The following MAPK8IP2 variants were observed in gnomAD, a reference collection of about 807,000 sequenced individuals.
MAPK8IP2 encodes the protein C-Jun-amino-terminal kinase-interacting protein 2.
MAPK8IP2 carries 15 observed loss-of-function variants against 75.6 expected under a neutral mutation model. That is an observed-to-expected ratio of 0.20 (90% CI 0.13 to 0.31). MAPK8IP2 has a LOEUF of 0.31. Ranked by LOEUF, MAPK8IP2 falls within the 10% of genes least tolerant of loss-of-function variation. The probability of loss-of-function intolerance (pLI) is 1.00; values close to 1 mark genes in which losing one functional copy is unlikely to be tolerated. For missense variants in MAPK8IP2, 1,089 were observed against 1,211.2 expected (o/e 0.90, Z 1.50); for synonymous variants, 632 against 554.5 (o/e 1.14, Z -1.96).
At chr22:50,600,932 C>A (rs1448066008) in intron 1 of MAPK8IP2, 49 bp downstream of exon 1, 4 of 764,648 alleles carry the variant, frequency 5.2e-6, no homozygotes, top group South Asian at 3.2e-5. Context: ...TCCCTGCGCA[C>A]CCCCCCGACC....
chr22:50,602,142 G>A (rs913303953), intron 2 of MAPK8IP2, among the ~76,000 whole-genome samples: 4 of 152,188 alleles, frequency 2.6e-5, no homozygotes, highest in Non-Finnish European at 4.4e-5. Flanking sequence ...CCAGCCCGGG[G>A]CAGGGAGGTG....
rs761498373 is a variant in MAPK8IP2 at position 50,610,668 on chromosome 22, C to G, written c.2403-39C>G. On this transcript the variant is annotated intron_variant, in intron 11 of 11. Coordinates refer to ENST00000329492, the MANE Select transcript of MAPK8IP2 (RefSeq NM_012324.6). The surrounding 1 kb of genome is among the most constrained non-coding windows in gnomAD (Gnocchi z 4.3). ...TGGAAGGCAGTTTGGGGGTTGAGGA[C>G]CGGCCCTGAGTGGCTGGTGGAGGAC... 2.1e-5 allele frequency: 32 copies of G among 1,559,944 alleles called. No individual in the cohort carries two copies. Among genetic ancestry groups the G allele is most frequent in the Non-Finnish European group, 2.6e-5 (30 of 1,142,512 alleles).
chr22:50,607,124 C>T lies in MAPK8IP2; in HGVS notation c.2303+133C>T, dbSNP rs1236937875. The T allele has an allele frequency of 2.8e-6, 2 of 710,904 alleles. No homozygotes were observed. Among genetic ancestry groups the T allele is most frequent in the Admixed American group, 2.1e-5 (1 of 47,776 alleles). The allele number at this position is 710,904 out of a possible 1,614,324, so 44.0% of individuals were successfully genotyped here. A position where few individuals can be genotyped will look rare whatever the true frequency, so the allele number is the denominator to read the frequency against. ...GAGAGCTCCACCTGCACCCACTTAG[C>T]TCTGTGAGCTGAGCCTGCAGTGGCG... On this transcript the variant is annotated intron_variant, in intron 10 of 11. Transcript: ENST00000329492. The surrounding 1 kb of genome is among the most constrained non-coding windows in gnomAD (Gnocchi z 5.6).
intron 5 of MAPK8IP2, 40 bp downstream of exon 5, chr22:50,605,104 A>G: frequency 1.2e-6 from 2 of 1,604,766 alleles, no homozygotes; most frequent in Non-Finnish European, 1.7e-6. Flanking sequence ...GCCCAGAGGA[A>G]GGTGCAGACT....
chr22:50,610,610 G>T lies in MAPK8IP2; in HGVS notation c.2403-97G>T. 1 of 989,370 alleles carries T rather than the reference G, an allele frequency of 1.0e-6. No individual in the cohort carries two copies. Among genetic ancestry groups the T allele is most frequent in the South Asian group, 1.4e-5 (1 of 70,780 alleles). The allele number at this position is 989,370 out of a possible 1,614,324, so 61.3% of individuals were successfully genotyped here. A position where few individuals can be genotyped will look rare whatever the true frequency, so the allele number is the denominator to read the frequency against. ...GGGTGGGGGGTTATGGATGGCTGCAGAGGGAGGAAGGAGGGAGAGCTCAGA... is the reference window on the plus strand; with the variant it reads ...GGGTGGGGGGTTATGGATGGCTGCATAGGGAGGAAGGAGGGAGAGCTCAGA... On this transcript the variant is annotated intron_variant, in intron 11 of 11. Transcript: ENST00000329492. The surrounding 1 kb of genome is among the most constrained non-coding windows in gnomAD (Gnocchi z 4.3).
Position 50,605,702 on chromosome 22 carries a change from A to T in MAPK8IP2, c.1982A>T (p.His661Leu), listed in dbSNP as rs879417377. 24 of 1,611,130 alleles carry T rather than the reference A, an allele frequency of 1.5e-5. No individual in the cohort carries two copies. The highest frequency in any genetic ancestry group is 2.0e-5 in the Non-Finnish European group (24 of 1,178,946). Residue 661 changes from histidine to leucine, a missense_variant, in exon 7 of 12, where the codon CAT becomes CTT. Transcript: ENST00000329492. ...ERGVFPAFYA[H>L]AVPGPAKDLL... Reference sequence around the variant, plus strand: ...GGTGTGTTTCCTGCCTTCTACGCCCATGCGGTGCCCGGCCCTGCCAAGGAC... The same window carrying T: ...GGTGTGTTTCCTGCCTTCTACGCCCTTGCGGTGCCCGGCCCTGCCAAGGAC...
rs966069123 is a variant in MAPK8IP2, at chr22:50,604,316, G to T, written c.1017G>T (p.Pro339=). 6.5e-7 allele frequency: 1 copy of T among 1,543,086 alleles called. No individual in the cohort carries two copies. Among genetic ancestry groups the T allele is most frequent in the Non-Finnish European group, 8.7e-7 (1 of 1,151,232 alleles). ...SEYESGSESE[P]DLSEDADSPW... is the part of the protein sequence containing the mutation. ...ACGAGTCGGGGTCGGAGTCGGAGCC[G>T]GACCTCAGCGAGGACGCGGACTCGC... Residue 339 remains proline (P), a synonymous_variant, in exon 5 of 12, where the codon CCG becomes CCT. Transcript: ENST00000329492.
Position 50,603,736 on chromosome 22 carries a change from CCGCGGGG to C in MAPK8IP2, c.541+25_541+31del. On this transcript the variant is annotated intron_variant, in intron 4 of 11. Transcript: ENST00000329492. ...CCCTCAGAGGTGAGGGGTGGTGGGC[CCGCGGGG>C]CGCGGGGAAGCGGGGGAGGAGGGCA... 6.4e-7 allele frequency: 1 copy of C among 1,555,174 alleles called. No individual in the cohort carries two copies. The highest frequency in any genetic ancestry group is 1.2e-5 in the South Asian group (1 of 84,536).
Position 50,610,563 on chromosome 22 carries a change from T to C in MAPK8IP2, c.2403-144T>C. On this transcript the variant is annotated intron_variant, in intron 11 of 11. Transcript: ENST00000329492. This position sits in a 1 kb window ranked among gnomAD's most constrained non-coding sequence, Gnocchi z 4.3. ...GGCCAGGAGAGCTGAGGGTCACACT[T>C]GGGGGTGACATGGCCATGCCTGGGT... The C allele has an allele frequency of 1.4e-6, 1 of 727,918 alleles. No homozygotes were observed. The highest frequency in any genetic ancestry group is 2.3e-6 in the Non-Finnish European group (1 of 427,206). 45.1% of individuals were successfully genotyped at this position (727,918 alleles called of 1,614,324 possible).
rs901935213 is a variant in MAPK8IP2, at chr22:50,604,496, G to T, written c.1197G>T (p.Ala399=). The change falls in exon 5 of 12, where the codon GCG becomes GCT. Residue 399 remains alanine, a synonymous_variant. Coordinates refer to ENST00000329492, the MANE Select transcript of MAPK8IP2 (RefSeq NM_012324.6). Reference sequence around the variant, plus strand: ...CCCAGGACTCCCAGGACCCCGAGGCGGCCGCGGGGCCCGGCGGCGTGGAGC... The same window carrying T: ...CCCAGGACTCCCAGGACCCCGAGGCTGCCGCGGGGCCCGGCGGCGTGGAGC... The part of the protein sequence containing the change: ...GAAQDSQDPE[A]AAGPGGVELV... 2 of 1,238,666 alleles carry T rather than the reference G, an allele frequency of 1.6e-6. No homozygotes were observed. Among genetic ancestry groups the T allele is most frequent in the Non-Finnish European group, 1.0e-6 (1 of 993,868 alleles). The allele number at this position is 1,238,666 out of a possible 1,614,324, so 76.7% of individuals were successfully genotyped here.
rs1270696071 is a variant in MAPK8IP2 at position 50,612,710 on chromosome 22, T to C, written c.*1931T>C. 6.6e-6 allele frequency: 1 copy of C among 152,306 alleles called. No individual in the cohort carries two copies. The highest frequency in any genetic ancestry group is 2.4e-5 in the African/African-American group (1 of 41,470). The allele number at this position is 152,306 out of a possible 1,614,324, so 9.4% of individuals were successfully genotyped here. ...CAGATAGCCCCACTGGGTGTGTACG[T>C]TTGAAACTTGTGCCCCCTGGGCTAG... On this transcript the variant is annotated 3_prime_UTR_variant, in exon 12 of 12. Transcript: ENST00000329492.
chr22:50,601,606 G>A (rs1450772711), intron 1 of MAPK8IP2, among the ~76,000 whole-genome samples, 183 bp from the exon 2 acceptor site: 2 of 152,306 alleles, frequency 1.3e-5, no homozygotes, highest in Admixed American at 1.3e-4. Context: ...CTCAGATGGG[G>A]GAGGGGATCC....
chr22:50,609,525 A>G (rs1453294921), intron 10 of MAPK8IP2, among the ~76,000 whole-genome samples: 2 of 150,748 alleles, frequency 1.3e-5, no homozygotes, highest in Admixed American at 6.6e-5. Context: ...CAAGCAGACC[A>G]TCATGTGGCT....
chr22:50,603,668 G>A lies in MAPK8IP2; in HGVS notation c.490G>A (p.Ala164Thr), dbSNP rs367580729. Residue 164 changes from alanine (A) to threonine (T), a missense_variant, in exon 4 of 12, where the codon GCC becomes ACC. Ala to Thr is a moderately conservative substitution (Grantham distance 58). Around this residue, in one of 2 missense-constraint regions of MAPK8IP2, gnomAD observed 960 missense variants for 1,009.6 expected, o/e 0.95. Transcript: ENST00000329492. ...NNGGFDLVRP[A>T]SWQETALCSP... ...CGGAGGCTTTGACCTGGTGCGTCCG[G>A]CCTCCTGGCAGGAGACAGCGCTATG... 292 of 1,591,320 alleles carry A rather than the reference G, an allele frequency of 1.8e-4. No homozygotes were observed. Among genetic ancestry groups the A allele is most frequent in the Admixed American group, 2.6e-4 (15 of 57,418 alleles).
rs966405860 is a variant in MAPK8IP2 at position 50,603,656 on chromosome 22, C to T, written c.478C>T (p.Leu160=). The change falls in exon 4 of 12, where the codon CTG becomes TTG. Residue 160 remains leucine, a synonymous_variant. Coordinates refer to ENST00000329492, the MANE Select transcript of MAPK8IP2 (RefSeq NM_012324.6). ...CCTAAACAACAACGGAGGCTTTGAC[C>T]TGGTGCGTCCGGCCTCCTGGCAGGA... ...DSLNNNGGFD[L]VRPASWQETA... 2 of 1,593,134 alleles carry T rather than the reference C, an allele frequency of 1.3e-6. No homozygotes were observed. The highest frequency in any genetic ancestry group is 1.7e-6 in the Non-Finnish European group (2 of 1,170,288).
chr22:50,606,727 C>CG lies in MAPK8IP2; in HGVS notation c.2200dup (p.Val734GlyfsTer110). 6.3e-7 allele frequency: 1 copy of CG among 1,590,652 alleles called. No homozygotes were observed. Among genetic ancestry groups the CG allele is most frequent in the Non-Finnish European group, 8.6e-7 (1 of 1,168,762 alleles). Reference sequence around the variant, plus strand: ...CTCCTGTGACCTCGAGATCTCTCTTCGGGGGGTCAAGCTGAGTCTGAGCGG... The same window carrying CG: ...CTCCTGTGACCTCGAGATCTCTCTTCGGGGGGGTCAAGCTGAGTCTGAGCGG... On this transcript the variant is annotated frameshift_variant, in exon 9 of 12. Coordinates refer to ENST00000329492, the MANE Select transcript of MAPK8IP2 (RefSeq NM_012324.6). LOFTEE classifies it high-confidence loss of function.
Position 50,601,828 on chromosome 22 carries a change from A to G in MAPK8IP2, c.105A>G (p.Glu35=). 1 of 1,613,916 alleles carries G rather than the reference A, an allele frequency of 6.2e-7. No homozygotes were observed. Among genetic ancestry groups the G allele is most frequent in the Non-Finnish European group, 8.5e-7 (1 of 1,179,838 alleles). ...TAAGCCTGGAAGAATTTGACGACGA[A>G]GATCTGTCTGAGATCACTGATGACT... The part of the protein sequence containing the change: ...QDISLEEFDD[E]DLSEITDDCG... The change falls in exon 2 of 12, where the codon GAA becomes GAG. Residue 35 remains glutamate (E), a synonymous_variant. Transcript: ENST00000329492.
In MAPK8IP2 at chr22:50,604,579, C is replaced by A; in HGVS notation, c.1280C>A (p.Pro427His). 7.8e-7 allele frequency: 1 copy of A among 1,289,502 alleles called. No individual in the cohort carries two copies. The highest frequency in any genetic ancestry group is 2.2e-5 in the South Asian group (1 of 45,036). 79.9% of individuals were successfully genotyped at this position (1,289,502 alleles called of 1,614,324 possible). A position where few individuals can be genotyped will look rare whatever the true frequency, so the allele number is the denominator to read the frequency against. Reference protein sequence around the residue: ...PPPPAPAAPRPGPAQPGPCLF... With the variant: ...PPPPAPAAPRHGPAQPGPCLF... The stretch of plus-strand genomic sequence containing the variant: ...CCGCCCGCGCCCGCCGCGCCTCGAC[C>A]CGGCCCCGCGCAGCCCGGGCCCTGC... The change falls in exon 5 of 12, where the codon CCC becomes CAC. Residue 427 changes from proline to histidine, a missense_variant. Transcript: ENST00000329492.
intron 10 of MAPK8IP2, among the ~76,000 whole-genome samples, chr22:50,608,596 G>T (rs149228895): frequency 8.1e-6 from 1 of 124,016 alleles, no homozygotes; most frequent in Non-Finnish European, 1.7e-5. Flanking sequence ...TGGGGTCACC[G>T]GGACAGCGAA....
Sources: allele counts gnomAD v4.1 joint callset (sites outside exome capture counted in the v4.1 genomes callset), GRCh38; gene constraint gnomAD v4.1.1; regional missense constraint gnomAD v4.1.1; non-coding constraint Gnocchi (gnomAD v3.1); transcripts MANE v1.5; gene names NCBI Gene and HGNC (gene_info 2026-07-23, HGNC 2026-07-21).